MYSM1: variants seen among roughly 807,000 people sequenced by gnomAD.
MYSM1 encodes the protein Myb like, SWIRM and MPN domains 1.
Under a neutral mutation model 116.0 loss-of-function variants are expected in MYSM1, and 51 were observed. The ratio of observed to expected loss-of-function variants is 0.44; its 90% CI spans 0.35 to 0.56. MYSM1 has a LOEUF of 0.56. MYSM1 is among the 20% of genes least tolerant of loss of function. The pLI, the probability that MYSM1 is intolerant of heterozygous loss-of-function variation, is 0.00. For synonymous variants in MYSM1, 313 were observed against 315.2 expected, an observed-to-expected ratio of 0.99 and a Z score of 0.07; for missense variants, 900 against 974.9, an observed-to-expected ratio of 0.92 and a Z score of 1.02.
intron 16 of MYSM1, 124 bp from the exon 17 acceptor site, chr1:58,665,755 T>A (rs1301634547): frequency 1.4e-6 from 1 of 693,778 alleles, no homozygotes; most frequent in Non-Finnish European, 2.3e-6. Flanking sequence ...ATTAAAAAGT[T>A]CACATCTGGC....
chr1:58,682,694 CTTTTCTTTTTTTTT>C (rs1274577068), intron 7 of MYSM1, 149 bp from the exon 8 acceptor site: 14 of 279,544 alleles, frequency 5.0e-5, no homozygotes, highest in African/African-American at 2.6e-4. Context: ...TCTTTTTTTT[CTTTTCTTTTTTTTT>C]TTTTTGAGAC....
chr1:58,667,285 ATGT>A, intron 15 of MYSM1, 59 bp from the exon 16 acceptor site: 4 of 1,255,956 alleles, frequency 3.2e-6, no homozygotes, highest in Non-Finnish European at 4.2e-6. Flanking sequence ...TATTACTCTA[ATGT>A]TATAATTCTT....
Position 58,656,974 on chromosome 1 carries a change from A to G in MYSM1, c.*3023T>C, listed in dbSNP as rs1644326905. ...TGGAAGAAGGGGTCTAAGATGGCAA[A>G]ACTATCTAGGGCCCACAAGAATCAT... On this transcript the variant is annotated 3_prime_UTR_variant, in exon 20 of 20. Coordinates refer to ENST00000472487, the MANE Select transcript of MYSM1 (RefSeq NM_001085487.3). 6.6e-6 allele frequency: 1 copy of G among 152,184 alleles called. No individual in the cohort carries two copies. Among genetic ancestry groups the G allele is most frequent in the Non-Finnish European group, 1.5e-5 (1 of 68,028 alleles). The allele number at this position is 152,184 out of a possible 1,614,324, so 9.4% of individuals were successfully genotyped here. A position where few individuals can be genotyped will look rare whatever the true frequency, so the allele number is the denominator to read the frequency against.
chr1:58,698,520 C>T (rs1446613840), intron 1 of MYSM1, among the ~76,000 whole-genome samples: 1 of 150,788 alleles, frequency 6.6e-6, no homozygotes, highest in African/African-American at 2.4e-5. Flanking sequence ...TAGACCTAGG[C>T]CTCAACTAAA....
chr1:58,682,252 A>T lies in MYSM1; in HGVS notation c.792T>A (p.Thr264=). 2 of 1,612,464 alleles carry T rather than the reference A, an allele frequency of 1.2e-6. No homozygotes were observed. The highest frequency in any genetic ancestry group is 1.7e-6 in the Non-Finnish European group (2 of 1,178,760). ...AAAAGAGAGCTTCCTGGCTGTCAGA[A>T]GTAATGAATTCTCCTTGATTGGTTT... ...MHETNQGEFI[T]SDSQEALFSK... The change falls in exon 8 of 20, where the codon ACT becomes ACA. Residue 264 remains threonine (T), a synonymous_variant. Coordinates refer to ENST00000472487, the MANE Select transcript of MYSM1 (RefSeq NM_001085487.3).
At chr1:58,685,057 A>C in intron 7 of MYSM1, 96 bp downstream of exon 7, 1 of 981,654 alleles carries the variant, frequency 1.0e-6, no homozygotes, top group Non-Finnish European at 1.5e-6. Flanking sequence ...AAAAACTTTT[A>C]CCAGTAAGAC....
chr1:58,684,091 G>A (rs969268783), intron 7 of MYSM1, among the ~76,000 whole-genome samples: 1 of 152,068 alleles, frequency 6.6e-6, no homozygotes, highest in Admixed American at 6.5e-5. Context: ...GAAAGATGGA[G>A]CATACAATCG....
intron 1 of MYSM1, among the ~76,000 whole-genome samples, chr1:58,695,992 C>T (rs1367242152): frequency 6.6e-6 from 1 of 152,130 alleles, no homozygotes; most frequent in Non-Finnish European, 1.5e-5. Flanking sequence ...AAGAATTTTC[C>T]ATCTCTAAGA....
chr1:58,682,291 A>G lies in MYSM1; in HGVS notation c.753T>C (p.Asn251=), dbSNP rs1301763926. 10 of 1,611,552 alleles carry G rather than the reference A, an allele frequency of 6.2e-6. No individual in the cohort carries two copies. The highest frequency in any genetic ancestry group is 1.1e-5 in the South Asian group (1 of 91,014). ...SSSDLLLDFP[N]SKMHETNQGE... is the part of the protein sequence containing the mutation. ...CTTGATTGGTTTCATGCATTTTACT[A>G]TTAGGAAAGTCTAACAAGAGATCAC... Residue 251 remains asparagine, a synonymous_variant, in exon 8 of 20, where the codon AAT becomes AAC. Transcript: ENST00000472487.
intron 3 of MYSM1, among the ~76,000 whole-genome samples, 170 bp from the exon 4 acceptor site, chr1:58,690,587 C>G (rs1451089034): frequency 6.6e-6 from 1 of 152,070 alleles, no homozygotes. Flanking sequence ...GTCCAATCCT[C>G]TGCCTGCAGG....
Position 58,666,964 on chromosome 1 carries a change from A to G in MYSM1, c.2031+74T>C, listed in dbSNP as rs1330913258. The stretch of plus-strand genomic sequence containing the variant: ...TAGAAATGTAATATGAAAAATGTTT[A>G]AAGTTTATCTATTTAAAAGGGAGCA... On this transcript the variant is annotated intron_variant, in intron 16 of 19. Coordinates refer to ENST00000472487, the MANE Select transcript of MYSM1 (RefSeq NM_001085487.3). The G allele has an allele frequency of 1.2e-5, 8 of 662,566 alleles. No individual in the cohort carries two copies. The East Asian group carries it at 2.6e-4, about 21-fold the overall frequency. 41.0% of individuals were successfully genotyped at this position (662,566 alleles called of 1,614,324 possible). A position where few individuals can be genotyped will look rare whatever the true frequency, so the allele number is the denominator to read the frequency against.
chr1:58,685,981 C>T (rs994478252), intron 6 of MYSM1, among the ~76,000 whole-genome samples: 18 of 152,194 alleles, frequency 1.2e-4, no homozygotes, highest in African/African-American at 4.3e-4. Flanking sequence ...AGGCTGAGTA[C>T]AGTGGTGTGA....
intron 16 of MYSM1, among the ~76,000 whole-genome samples, chr1:58,666,049 T>G (rs1644464835): frequency 6.6e-6 from 1 of 151,244 alleles, no homozygotes; most frequent in Non-Finnish European, 1.5e-5. Context: ...AGAGTAAGAC[T>G]ATGTCTCTAA....
At chr1:58,692,352 T>C (rs1020785185) in intron 3 of MYSM1, 3 of 152,286 alleles carry the variant, frequency 2.0e-5, no homozygotes, top group Admixed American at 6.5e-5. Flanking sequence ...TCCTTTTACA[T>C]GTACGAAAAC....
At chr1:58,696,445 A>G (rs924554543) in intron 1 of MYSM1, among the ~76,000 whole-genome samples, 14 of 152,162 alleles carry the variant, frequency 9.2e-5, no homozygotes, top group African/African-American at 2.9e-4. Flanking sequence ...ATTGTTCACC[A>G]TCTCACTCAG....
In MYSM1 at chr1:58,671,974, A is replaced by C. The variant is rs1017183257; in HGVS notation, c.1573-16T>G. 5 of 1,605,920 alleles carry C rather than the reference A, an allele frequency of 3.1e-6. No homozygotes were observed. The African/African-American group carries it at 6.7e-5, about 21-fold the overall frequency. ...CAGAGAGATGCTAAAACAAAATGCC[A>C]ATTGATTAAGGAGTCCATCATCTAC... On this transcript the variant is annotated splice_polypyrimidine_tract_variant and intron_variant, in intron 11 of 19. Coordinates refer to ENST00000472487, the MANE Select transcript of MYSM1 (RefSeq NM_001085487.3).
At chr1:58,681,587 T>C (rs535155162) in intron 8 of MYSM1, among the ~76,000 whole-genome samples, 198 bp downstream of exon 8, 3 of 152,260 alleles carry the variant, frequency 2.0e-5, no homozygotes, top group South Asian at 2.1e-4. Flanking sequence ...ATCTAATGAA[T>C]AGGCAAAAAG....
At chr1:58,668,609 T>A in intron 14 of MYSM1, 23 bp downstream of exon 14, 2 of 1,584,930 alleles carry the variant, frequency 1.3e-6, no homozygotes, top group Non-Finnish European at 1.7e-6. Flanking sequence ...AATAACTAAG[T>A]AAACACAATA....
chr1:58,689,046 G>C lies in MYSM1; in HGVS notation c.391C>G (p.Gln131Glu). 1 of 1,610,240 alleles carries C rather than the reference G, an allele frequency of 6.2e-7. No individual in the cohort carries two copies. The highest frequency in any genetic ancestry group is 8.5e-7 in the Non-Finnish European group (1 of 1,179,096). ...WTIEEKELFE[Q>E]GLAKFGRRWT... is the part of the protein sequence containing the mutation. ...AAAATTGCTCTATTTACCAGCCCTTGTTCAAACAGCTCTTTTTCTTCTATC... is the reference window on the plus strand; with the variant it reads ...AAAATTGCTCTATTTACCAGCCCTTCTTCAAACAGCTCTTTTTCTTCTATC... The change falls in exon 6 of 20, where the codon CAA becomes GAA. Residue 131 changes from glutamine to glutamate, a missense_variant. By Grantham distance (29) the Gln-to-Glu change is conservative. This residue lies in a region of MYSM1 where 622 missense variants were observed against 623.7 expected (regional missense o/e 1.00). Coordinates refer to ENST00000472487, the MANE Select transcript of MYSM1 (RefSeq NM_001085487.3).
Sources: gnomAD v4.1 joint callset for allele counts (sites outside exome capture counted in the v4.1 genomes callset) on GRCh38, gnomAD v4.1.1 for gene constraint, gnomAD v4.1.1 regional missense constraint, MANE v1.5 for transcripts, NCBI Gene and HGNC (gene_info 2026-07-23, HGNC 2026-07-21) for gene names.